DAPK2: variants seen among roughly 807,000 people sequenced by gnomAD.
The protein encoded by DAPK2 is death associated protein kinase 2, also known as death-associated protein kinase 2.
A neutral mutation model predicts 44.1 loss-of-function variants in DAPK2; 35 were observed. The ratio of observed to expected loss-of-function variants is 0.79; its 90% confidence interval spans 0.61 to 1.05. The LOEUF is 1.05. Among genes scored for constraint, DAPK2 ranks in the 50% least tolerant of loss-of-function variants. The pLI is 0.00. For missense variants in DAPK2, 453 were observed against 483.2 expected, an observed-to-expected ratio of 0.94 and a Z score of 0.59; for synonymous variants, 174 against 182.6, an observed-to-expected ratio of 0.95 and a Z score of 0.38.
chr15:63,984,358 A>T (rs551002458), intron 1 of DAPK2, among the ~76,000 whole-genome samples: 1 of 152,350 alleles, frequency 6.6e-6, no homozygotes, highest in South Asian at 2.1e-4. Context: ...CCTCTGAGAT[A>T]GTTAGAGCAG....
intron 2 of DAPK2, among the ~76,000 whole-genome samples, chr15:63,973,931 C>T (rs910809726): frequency 6.6e-6 from 1 of 152,312 alleles, no homozygotes; most frequent in East Asian, 1.9e-4. Context: ...CTGAGCAAGA[C>T]AGCCCCAAAG....
intron 1 of DAPK2, among the ~76,000 whole-genome samples, chr15:63,999,544 C>T (rs1341504701): frequency 6.6e-6 from 1 of 152,186 alleles, no homozygotes; most frequent in Admixed American, 6.5e-5. Flanking sequence ...GCTAGGATTT[C>T]CAAACTTGCT....
intron 4 of DAPK2, chr15:63,932,777 G>A (rs751316789): frequency 1.4e-4 from 21 of 152,106 alleles, no homozygotes; most frequent in African/African-American, 3.4e-4. Context: ...AGGGAACTAC[G>A]CTCCTGGTTT....
intron 1 of DAPK2, among the ~76,000 whole-genome samples, chr15:64,008,631 A>G (rs1333380115): frequency 1.3e-5 from 2 of 152,254 alleles, no homozygotes; most frequent in African/African-American, 4.8e-5. Flanking sequence ...AAGTATGAAC[A>G]TCATAAGGGA....
intron 1 of DAPK2, among the ~76,000 whole-genome samples, chr15:64,032,943 G>A (rs1055932750): frequency 1.3e-5 from 2 of 151,850 alleles, no homozygotes; most frequent in African/African-American, 2.4e-5. Flanking sequence ...AAAAGTAGCC[G>A]GGCATGATCG....
rs1316689404 is a variant in DAPK2 at position 63,991,363 on chromosome 15, A to G, written c.93-7609T>C. 6.6e-6 allele frequency: 3 copies of G among 455,948 alleles called. No individual in the cohort carries two copies. The Admixed American group carries it at 7.0e-5, about 11-fold the overall frequency. The allele number at this position is 455,948 out of a possible 1,614,324, so 28.2% of individuals were successfully genotyped here. A position where few individuals can be genotyped will look rare whatever the true frequency, so the allele number is the denominator to read the frequency against. ...TGCCAGCCAAGAACCTGCAAACAGA[A>G]GAGGGCACAGGGCTGCCTAATATGA... On this transcript the variant is annotated intron_variant, in intron 1 of 10. Transcript: ENST00000261891.
chr15:63,929,853 ACCTCGGAGCCCTTCCCC>A, intron 5 of DAPK2: 2 of 609,114 alleles, frequency 3.3e-6, no homozygotes, highest in Non-Finnish European at 6.2e-6. Flanking sequence ...GTCCCTTACC[ACCTCGGAGCCCTTCCCC>A]CCTTGTAAAA....
Position 63,930,463 on chromosome 15 carries a change from A to C in DAPK2, c.584-8T>G. 1.2e-6 allele frequency: 2 copies of C among 1,614,064 alleles called. No individual in the cohort carries two copies. Among genetic ancestry groups the C allele is most frequent in the Non-Finnish European group, 1.7e-6 (2 of 1,179,914 alleles). On this transcript the variant is annotated splice_region_variant and splice_polypyrimidine_tract_variant and intron_variant, in intron 4 of 10. Transcript: ENST00000261891. Reference sequence around the variant, plus strand: ...AGTTCACAATTTCTGGAGCTGAAAGAAGTCATATTAAATAGTCAACATGAG... The same window carrying C: ...AGTTCACAATTTCTGGAGCTGAAAGCAGTCATATTAAATAGTCAACATGAG...
intron 1 of DAPK2, among the ~76,000 whole-genome samples, chr15:63,997,259 C>T (rs2078974190): frequency 6.6e-6 from 1 of 152,216 alleles, no homozygotes. Context: ...GCCTAATTGT[C>T]AGGGCGCAGG....
At chr15:63,934,522 GC>G (rs1055470900) in intron 4 of DAPK2, among the ~76,000 whole-genome samples, 3 of 151,782 alleles carry the variant, frequency 2.0e-5, no homozygotes, top group African/African-American at 7.3e-5. Context: ...CTCCCAAAGT[GC>G]TGAGATTACA....
rs2078458543 is a variant in DAPK2 at position 63,980,015 on chromosome 15, G to C, written c.314+3518C>G. ...CATACATGGGTTAGGGACAGTCTTG[G>C]AACGCTTGGGTCTTCTCCAATCTCA... is the stretch of plus-strand genomic sequence containing the variant. On this transcript the variant is annotated intron_variant, in intron 2 of 10. Coordinates refer to ENST00000261891, the Ensembl canonical transcript of DAPK2. The surrounding 1 kb of genome is among the most constrained non-coding windows in gnomAD (Gnocchi z 4.3). Among the ~76,000 whole-genome samples the C allele has an allele frequency of 6.6e-6, 1 of 152,194 alleles. No homozygotes were observed. The highest frequency in any genetic ancestry group is 1.5e-5 in the Non-Finnish European group (1 of 68,038).
intron 8 of DAPK2, among the ~76,000 whole-genome samples, chr15:63,914,509 G>A (rs1315920830): frequency 2.0e-5 from 3 of 152,090 alleles, no homozygotes; most frequent in Admixed American, 1.3e-4. Flanking sequence ...CCTGGGTCTA[G>A]TCCCCCCCTG....
intron 8 of DAPK2, among the ~76,000 whole-genome samples, chr15:63,914,120 G>A (rs1189292280): frequency 6.6e-6 from 1 of 152,150 alleles, no homozygotes; most frequent in Non-Finnish European, 1.5e-5. Context: ...CTGATGAGGG[G>A]CCCAGGTCAC....
intron 3 of DAPK2, among the ~76,000 whole-genome samples, chr15:63,943,706 C>T (rs2077375980): frequency 1.0e-5 from 1 of 98,750 alleles, no homozygotes; most frequent in Non-Finnish European, 2.2e-5. Context: ...AACCCCGACT[C>T]TACTAAAAAA....
chr15:63,916,574 A>C lies in DAPK2; in HGVS notation c.859-4377T>G, dbSNP rs1462360029. The C allele has an allele frequency of 1.3e-5, 2 of 151,880 alleles. No homozygotes were observed. The highest frequency in any genetic ancestry group is 2.9e-5 in the Non-Finnish European group (2 of 67,998). The allele number at this position is 151,880 out of a possible 1,614,324, so 9.4% of individuals were successfully genotyped here. On this transcript the variant is annotated intron_variant, in intron 8 of 10. Coordinates refer to ENST00000261891, the Ensembl canonical transcript of DAPK2. This position sits in a 1 kb window ranked among gnomAD's most constrained non-coding sequence, Gnocchi z 4.7. ...AGCCTGGGCTCTGCTGCCTTCACCC[A>C]CCTGTTTTCCCAGGAAAGGAGCACA... is the stretch of plus-strand genomic sequence containing the variant.
chr15:63,958,762 T>G lies in DAPK2; in HGVS notation c.453+12661A>C, dbSNP rs140013088. Reference sequence around the variant, plus strand: ...TGCTGTTTTGGTTACTGTAGCATTGTAGTATAGTTTGAAGTCAGGTAGCAT... The same window carrying G: ...TGCTGTTTTGGTTACTGTAGCATTGGAGTATAGTTTGAAGTCAGGTAGCAT... On this transcript the variant is annotated intron_variant, in intron 3 of 10. Transcript: ENST00000261891. Among the ~76,000 whole-genome samples the G allele has an allele frequency of 2.3e-3, 354 of 152,342 alleles. 1 individual carries two copies. Among genetic ancestry groups the G allele is most frequent in the African/African-American group, 8.1e-3 (335 of 41,572 alleles).
upstream of DAPK2, among the ~76,000 whole-genome samples, chr15:64,040,729 G>A (rs909223534): frequency 6.6e-6 from 1 of 151,900 alleles, no homozygotes; most frequent in Non-Finnish European, 1.5e-5. Flanking sequence ...TGGCCAACAT[G>A]GTGAAACTCC....
chr15:63,994,612 C>T (rs1356279538), intron 1 of DAPK2, among the ~76,000 whole-genome samples: 5 of 122,584 alleles, frequency 4.1e-5, no homozygotes, highest in African/African-American at 1.6e-4. Context: ...TTTTTTGAGA[C>T]GTAGTCTCCC....
rs747333343 is a variant in DAPK2, at chr15:64,033,325, GAAAA to G, written c.92+6841_92+6844del. Among the ~76,000 whole-genome samples, 873 of 137,230 alleles carry G rather than the reference GAAAA, an allele frequency of 6.4e-3. 7 individuals carry two copies. The highest frequency in any genetic ancestry group is 9.9e-3 in the Non-Finnish European group (628 of 63,670). The allele number at this position is 137,230 out of a possible 152,430, so 90.0% of individuals were successfully genotyped here. The stretch of plus-strand genomic sequence containing the variant: ...GGAAGGAAGGAAGGAAGGAAGGAAG[GAAAA>G]AAAAAATAGCTGCTGGGTTAACTCC... On this transcript the variant is annotated intron_variant, in intron 1 of 10. Transcript: ENST00000261891.
Sources: gnomAD v4.1 joint callset for allele counts (sites outside exome capture counted in the v4.1 genomes callset) on GRCh38, gnomAD v4.1.1 for gene constraint, Gnocchi (gnomAD v3.1) non-coding constraint, MANE v1.5 for transcripts, NCBI Gene and HGNC (gene_info 2026-07-23, HGNC 2026-07-21) for gene names.